Variants in TBC1D5 observed in about 807,000 individuals in gnomAD.
TBC1D5 encodes the protein TBC1 domain family member 5.
A neutral mutation model predicts 100.3 loss-of-function variants in TBC1D5; 75 were observed. That is an observed-to-expected ratio of 0.75 (90% CI 0.62 to 0.91). TBC1D5 has a LOEUF of 0.91. TBC1D5 is among the 40% of genes least tolerant of loss of function. The pLI, the probability that TBC1D5 is intolerant of heterozygous loss-of-function variation, is 0.00. For missense variants in TBC1D5, 910 were observed against 942.4 expected, an observed-to-expected ratio of 0.97 and a Z score of 0.45; for synonymous variants, 323 against 325.6, an observed-to-expected ratio of 0.99 and a Z score of 0.09.
chr3:17,161,123 C>A, exon 22 of TBC1D5: 1 of 1,614,204 alleles, frequency 6.2e-7, no homozygotes, highest in Non-Finnish European at 8.5e-7. Flanking sequence ...CCCAGAGGTG[C>A]TTCTGAGGGT....
chr3:17,706,204 C>T, intron 1 of TBC1D5: 1 of 1,551,596 alleles, frequency 6.4e-7, no homozygotes, highest in South Asian at 1.2e-5. Flanking sequence ...TCCGGCATCG[C>T]GGCGAGGCCC....
chr3:17,652,947 TACA>T (rs1267466340), intron 1 of TBC1D5, among the ~76,000 whole-genome samples: 1 of 152,174 alleles, frequency 6.6e-6, no homozygotes, highest in Admixed American at 6.5e-5. Flanking sequence ...CTGTGATATA[TACA>T]ACGACATATT....
chr3:17,566,357 C>T (rs990799672), intron 2 of TBC1D5, among the ~76,000 whole-genome samples: 1 of 151,716 alleles, frequency 6.6e-6, no homozygotes, highest in Non-Finnish European at 1.5e-5. Flanking sequence ...AATACAAAAA[C>T]AAGACAAGAC....
chr3:17,338,272 C>A (rs1260920228), intron 13 of TBC1D5, among the ~76,000 whole-genome samples: 2 of 152,084 alleles, frequency 1.3e-5, no homozygotes, highest in East Asian at 3.9e-4. Context: ...GTAAGATGAC[C>A]CGTCTTTAGT....
At chr3:17,430,902 C>T (rs1451280816) in intron 3 of TBC1D5, among the ~76,000 whole-genome samples, 1 of 151,746 alleles carries the variant, frequency 6.6e-6, no homozygotes, top group African/African-American at 2.4e-5. Flanking sequence ...AGGCTTAATA[C>T]CAGTAACTAG....
intron 3 of TBC1D5, among the ~76,000 whole-genome samples, chr3:17,430,883 C>T (rs1038326835): frequency 2.6e-5 from 4 of 151,824 alleles, no homozygotes. Flanking sequence ...TGGTGTGAAA[C>T]ATTTGGAGAG....
At chr3:17,676,436 A>G (rs1011323778) in intron 1 of TBC1D5, among the ~76,000 whole-genome samples, 3 of 152,184 alleles carry the variant, frequency 2.0e-5, no homozygotes, top group Non-Finnish European at 4.4e-5. Flanking sequence ...TAGGAATCCA[A>G]CTTGCAAGGG....
At chr3:17,592,151 G>A (rs1396161978) in intron 2 of TBC1D5, among the ~76,000 whole-genome samples, 1 of 152,232 alleles carries the variant, frequency 6.6e-6, no homozygotes, top group Non-Finnish European at 1.5e-5. Context: ...CAGCTGGCAA[G>A]GCCAGCAATA....
At chr3:17,508,638 A>T in intron 2 of TBC1D5, 33 bp from the exon 3 acceptor site, 2 of 1,088,262 alleles carry the variant, frequency 1.8e-6, no homozygotes, top group Non-Finnish European at 2.8e-6. Flanking sequence ...GAAAAATAAT[A>T]AATTCTTTTT....
intron 1 of TBC1D5, among the ~76,000 whole-genome samples, chr3:17,688,819 C>A (rs1560469400): frequency 6.6e-6 from 1 of 152,170 alleles, no homozygotes; most frequent in African/African-American, 2.4e-5. Flanking sequence ...ACAAATCCTT[C>A]CACTTTCTAT....
chr3:17,610,680 T>C (rs966681803), intron 2 of TBC1D5, among the ~76,000 whole-genome samples: 7 of 152,152 alleles, frequency 4.6e-5, no homozygotes, highest in African/African-American at 1.7e-4. Flanking sequence ...TACAGACATA[T>C]AAATCATGAT....
chr3:17,399,681 C>G (rs889222672), intron 8 of TBC1D5, among the ~76,000 whole-genome samples: 1 of 152,088 alleles, frequency 6.6e-6, no homozygotes, highest in Non-Finnish European at 1.5e-5. Flanking sequence ...CTTCCTATTG[C>G]AATCAGAATA....
At chr3:17,529,619 T>C (rs565233057) in intron 2 of TBC1D5, among the ~76,000 whole-genome samples, 43 of 152,148 alleles carry the variant, frequency 2.8e-4, no homozygotes, top group Admixed American at 2.6e-3. Context: ...AACACGGTGC[T>C]GGTACAAAGA....
chr3:17,285,822 T>C (rs929426271), intron 15 of TBC1D5, among the ~76,000 whole-genome samples: 3 of 152,204 alleles, frequency 2.0e-5, no homozygotes, highest in Admixed American at 1.3e-4. Flanking sequence ...TTTTGTAATT[T>C]AAAAAGACAA....
chr3:17,161,325 T>C (rs962385969), intron 21 of TBC1D5, 69 bp from the exon 23 acceptor site: 1 of 1,509,492 alleles, frequency 6.6e-7, no homozygotes. Context: ...TGGAAGGCCC[T>C]GTGAACTGGG....
intron 2 of TBC1D5, among the ~76,000 whole-genome samples, chr3:17,571,482 T>C (rs1410035669): frequency 1.3e-5 from 2 of 152,060 alleles, no homozygotes; most frequent in Non-Finnish European, 2.9e-5. Context: ...ACAAATACTT[T>C]CAAGTGAATT....
At chr3:17,160,946 A>T (rs372948907) in exon 22 of TBC1D5, 1 of 1,605,942 alleles carries the variant, frequency 6.2e-7, no homozygotes, top group African/African-American at 1.3e-5. Context: ...CCTGTGGGGC[A>T]GGACTGGGCA....
chr3:17,167,345 T>A (rs1225237219), intron 20 of TBC1D5, among the ~76,000 whole-genome samples: 7 of 152,222 alleles, frequency 4.6e-5, no homozygotes, highest in Non-Finnish European at 8.8e-5. Flanking sequence ...ATGTCTCATT[T>A]AGATCTTCAA....
chr3:17,718,622 C>A (rs2075437300), intron 1 of TBC1D5, among the ~76,000 whole-genome samples: 1 of 151,886 alleles, frequency 6.6e-6, no homozygotes, highest in Non-Finnish European at 1.5e-5. Context: ...AATAATTTAC[C>A]ATTGTAACCA....
Sources: gnomAD v4.1 joint callset for allele counts (sites outside exome capture counted in the v4.1 genomes callset) on GRCh38, gnomAD v4.1.1 for gene constraint, MANE v1.5 for transcripts, NCBI Gene and HGNC (gene_info 2026-07-23, HGNC 2026-07-21) for gene names.